Variants in CCSER1 observed in about 807,000 individuals in gnomAD.
CCSER1 encodes the protein serine-rich coiled-coil domain-containing protein 1.
CCSER1 carries 41 observed loss-of-function variants against 82.0 expected under a neutral mutation model. That is an observed-to-expected ratio of 0.50 (90% CI 0.39 to 0.65). The LOEUF is 0.65. Among genes scored for constraint, CCSER1 ranks in the 30% least tolerant of loss-of-function variants. The pLI is 0.00. For missense variants in CCSER1, 1,119 were observed against 1,064.2 expected (o/e 1.05, Z -0.72); for synonymous variants, 414 against 383.9 (o/e 1.08, Z -0.92).
intron 5 of CCSER1, among the ~76,000 whole-genome samples, chr4:90,583,972 A>G (rs1051365616): frequency 2.6e-5 from 4 of 152,160 alleles, no homozygotes; most frequent in African/African-American, 7.2e-5. Flanking sequence ...AATTTAAAAG[A>G]AAAAAGTTGT....
chr4:91,155,517 C>G (rs2148963992), intron 10 of CCSER1, among the ~76,000 whole-genome samples: 1 of 152,018 alleles, frequency 6.6e-6, no homozygotes, highest in South Asian at 2.1e-4. Context: ...GAGCCTGTAG[C>G]TCTATTGAGA....
chr4:90,615,176 A>G (rs1421335062), intron 5 of CCSER1, among the ~76,000 whole-genome samples: 1 of 152,234 alleles, frequency 6.6e-6, no homozygotes, highest in Non-Finnish European at 1.5e-5. Flanking sequence ...TAAAAATATT[A>G]CTGGTCATTG....
At chr4:90,712,772 A>C (rs1165479217) in intron 6 of CCSER1, among the ~76,000 whole-genome samples, 5 of 151,706 alleles carry the variant, frequency 3.3e-5, no homozygotes, top group Non-Finnish European at 5.9e-5. Flanking sequence ...TGAGAGTTGA[A>C]GTCTTTTTGT....
chr4:90,360,946 T>G (rs1372914626), intron 3 of CCSER1, among the ~76,000 whole-genome samples: 1 of 152,210 alleles, frequency 6.6e-6, no homozygotes, highest in East Asian at 1.9e-4. Context: ...GAGACCATAA[T>G]AAAGATAAAT....
intron 1 of CCSER1, among the ~76,000 whole-genome samples, chr4:90,297,888 C>T (rs1442273297): frequency 7.2e-5 from 11 of 151,900 alleles, no homozygotes; most frequent in African/African-American, 2.2e-4. Flanking sequence ...CTGCTGGATT[C>T]GGTTTGCCAG....
At chr4:91,044,978 T>C in intron 9 of CCSER1, among the ~76,000 whole-genome samples, 1 of 152,354 alleles carries the variant, frequency 6.6e-6, no homozygotes, top group Middle Eastern at 3.4e-3. Context: ...AAAGAACTTA[T>C]TGGCTCTACC....
intron 6 of CCSER1, among the ~76,000 whole-genome samples, chr4:90,690,938 A>C (rs1303983700): frequency 6.6e-6 from 1 of 152,038 alleles, no homozygotes. Context: ...GAGACATCTA[A>C]TTTCATTTCT....
chr4:91,165,873 C>T lies in CCSER1; in HGVS notation c.2217+79879C>T, dbSNP rs114259110. On this transcript the variant is annotated intron_variant, in intron 10 of 10. Transcript: ENST00000509176. Reference sequence around the variant, plus strand: ...TGGCTCGGAAAGGGAAATCCCCCAACCCATTGTGCTTCCTGGGAGAGGTGG... The same window carrying T: ...TGGCTCGGAAAGGGAAATCCCCCAATCCATTGTGCTTCCTGGGAGAGGTGG... Among the ~76,000 whole-genome samples the T allele has an allele frequency of 4.9e-3, 743 of 152,324 alleles. 6 individuals carry two copies. Among genetic ancestry groups the T allele is most frequent in the African/African-American group, 0.017 (700 of 41,570 alleles).
intron 7 of CCSER1, chr4:90,781,655 C>A (rs1336147869): frequency 1.0e-6 from 1 of 972,812 alleles, no homozygotes; most frequent in Non-Finnish European, 1.2e-6. Context: ...AGTAGCTTTA[C>A]ATGTATTAAG....
intron 3 of CCSER1, among the ~76,000 whole-genome samples, chr4:90,320,351 A>C (rs767908906): frequency 1.3e-5 from 2 of 152,230 alleles, no homozygotes; most frequent in Non-Finnish European, 2.9e-5. Flanking sequence ...CTTATTATTC[A>C]AATATACAGG....
chr4:90,506,395 A>T (rs1348694199), intron 5 of CCSER1, among the ~76,000 whole-genome samples: 1 of 152,198 alleles, frequency 6.6e-6, no homozygotes, highest in Non-Finnish European at 1.5e-5. Context: ...TTGAAACTGA[A>T]GAACTCTTGT....
intron 3 of CCSER1, among the ~76,000 whole-genome samples, chr4:90,375,672 C>A (rs957823920): frequency 1.3e-5 from 2 of 152,180 alleles, no homozygotes; most frequent in African/African-American, 4.8e-5. Flanking sequence ...AGTGAGAAAT[C>A]TGTTGGATGC....
intron 10 of CCSER1, among the ~76,000 whole-genome samples, chr4:91,305,005 C>T (rs1744940410): frequency 1.3e-5 from 2 of 151,938 alleles, no homozygotes; most frequent in Admixed American, 1.3e-4. Context: ...AGGCATCATG[C>T]TTGATTTACC....
intron 5 of CCSER1, among the ~76,000 whole-genome samples, chr4:90,606,548 A>C (rs899535718): frequency 6.6e-6 from 1 of 152,132 alleles, no homozygotes. Flanking sequence ...TTGACGTGAT[A>C]TAGAGTTCAT....
At chr4:90,865,963 G>A (rs1469201336) in intron 8 of CCSER1, among the ~76,000 whole-genome samples, 1 of 151,942 alleles carries the variant, frequency 6.6e-6, no homozygotes, top group East Asian at 1.9e-4. Flanking sequence ...AGGGGAAGCA[G>A]GCATGTCTTA....
At chr4:90,300,814 G>T (rs1484875413) in intron 1 of CCSER1, among the ~76,000 whole-genome samples, 1 of 151,930 alleles carries the variant, frequency 6.6e-6, no homozygotes, top group Non-Finnish European at 1.5e-5. Flanking sequence ...TATGCATTTG[G>T]AATCACAAAA....
intron 1 of CCSER1, among the ~76,000 whole-genome samples, chr4:90,281,563 A>G (rs1473441362): frequency 6.6e-6 from 1 of 152,002 alleles, no homozygotes; most frequent in African/African-American, 2.4e-5. Context: ...ATAGTTTCCC[A>G]GCCTGTCCAG....
intron 10 of CCSER1, among the ~76,000 whole-genome samples, chr4:91,562,328 C>T (rs1013005084): frequency 1.2e-4 from 18 of 151,152 alleles, no homozygotes; most frequent in African/African-American, 4.1e-4. Flanking sequence ...TTAAAGCAGA[C>T]CTTATATAAC....
intron 1 of CCSER1, among the ~76,000 whole-genome samples, chr4:90,143,404 T>C (rs1306879455): frequency 6.6e-6 from 1 of 151,890 alleles, no homozygotes; most frequent in Non-Finnish European, 1.5e-5. Flanking sequence ...ATAATATCTT[T>C]TTTCTTAGAC....
Sources: gnomAD v4.1 joint callset for allele counts (sites outside exome capture counted in the v4.1 genomes callset) on GRCh38, gnomAD v4.1.1 for gene constraint, MANE v1.5 for transcripts, NCBI Gene and HGNC (gene_info 2026-07-23, HGNC 2026-07-21) for gene names.